The following PACSIN1 variants were observed in gnomAD, a reference collection of about 807,000 sequenced individuals.
PACSIN1 encodes the protein protein kinase C and casein kinase substrate in neurons 1, also known as protein kinase C and casein kinase substrate in neurons protein 1.
Under a neutral mutation model 59.5 loss-of-function variants are expected in PACSIN1, and 15 were observed. The observed-to-expected ratio is 0.25, with a 90% confidence interval of 0.17 to 0.39. The LOEUF is 0.39. Ranked by LOEUF, PACSIN1 falls within the 10% of genes least tolerant of loss-of-function variation. The pLI, the probability that PACSIN1 is intolerant of heterozygous loss-of-function variation, is 1.00. For synonymous variants in PACSIN1, 210 were observed against 220.6 expected, an observed-to-expected ratio of 0.95 and a Z score of 0.42; for missense variants, 420 against 580.2, an observed-to-expected ratio of 0.72 and a Z score of 2.84.
chr6:34,528,853 G>A lies in PACSIN1; in HGVS notation c.432G>A (p.Lys144=). The change falls in exon 4 of 10, where the codon AAG becomes AAA. Residue 144 remains lysine (K), a synonymous_variant. Coordinates refer to ENST00000244458, the MANE Select transcript of PACSIN1 (RefSeq NM_020804.5). ...AAGATGGCTTCCGCAAGGCCCAGAA[G>A]CCTTGGGCCAAGAAGATGAAGGAGG... ...EAEDGFRKAQ[K]PWAKKMKELE... 6.2e-7 allele frequency: 1 copy of A among 1,609,562 alleles called. No individual in the cohort carries two copies. Among genetic ancestry groups the A allele is most frequent in the Non-Finnish European group, 8.5e-7 (1 of 1,178,224 alleles).
chr6:34,468,008 C>T (rs761341995), intron 1 of PACSIN1, among the ~76,000 whole-genome samples: 5 of 152,210 alleles, frequency 3.3e-5, no homozygotes, highest in Non-Finnish European at 5.9e-5. Context: ...AGGTCTGGCT[C>T]TCCTCAGGCC....
rs930359296 is a variant in PACSIN1, at chr6:34,518,571, C to A, written c.-63-7672C>A. On this transcript the variant is annotated intron_variant, in intron 1 of 9. Coordinates refer to ENST00000244458, the MANE Select transcript of PACSIN1 (RefSeq NM_020804.5). This position sits in a 1 kb window ranked among gnomAD's most constrained non-coding sequence, Gnocchi z 4.4. ...AAACACTGAGGGTGGGAAAATGACA[C>A]AGGGAGACAAAAAAGGGTGCTTTAC... 6.6e-6 allele frequency among the ~76,000 whole-genome samples: 1 copy of A among 152,088 alleles called. No individual in the cohort carries two copies. The highest frequency in any genetic ancestry group is 1.5e-5 in the Non-Finnish European group (1 of 68,020).
At position 34,514,141 on chromosome 6, in the gene PACSIN1, G is replaced by A. The variant is rs570506475; in HGVS notation, c.-63-12102G>A. On this transcript the variant is annotated intron_variant, in intron 1 of 9. Coordinates refer to ENST00000244458, the MANE Select transcript of PACSIN1 (RefSeq NM_020804.5). This position sits in a 1 kb window ranked among gnomAD's most constrained non-coding sequence, Gnocchi z 4.4. ...ATGTGTGCAAATATATGTAATGGGC[G>A]TTTGTATCTGTAAGTGTGTTGTTGG... Among the ~76,000 whole-genome samples, 15 of 152,320 alleles carry A rather than the reference G, an allele frequency of 9.8e-5. No homozygotes were observed. Among genetic ancestry groups the A allele is most frequent in the African/African-American group, 2.9e-4 (12 of 41,560 alleles).
intron 1 of PACSIN1, among the ~76,000 whole-genome samples, chr6:34,503,622 C>T (rs1767061138): frequency 6.6e-6 from 1 of 152,168 alleles, no homozygotes; most frequent in South Asian, 2.1e-4. Flanking sequence ...TCACAGAAGT[C>T]ACTCAGTCCA....
chr6:34,517,538 G>C (rs369205164), intron 1 of PACSIN1, among the ~76,000 whole-genome samples: 1 of 147,124 alleles, frequency 6.8e-6, no homozygotes. Flanking sequence ...CATCTGCGCA[G>C]GCCACATGAC....
At chr6:34,500,534 G>A (rs1202326371) in intron 1 of PACSIN1, among the ~76,000 whole-genome samples, 1 of 152,170 alleles carries the variant, frequency 6.6e-6, no homozygotes, top group African/African-American at 2.4e-5. Flanking sequence ...AGGCTTCCAG[G>A]CTTTGTTGTT....
intron 1 of PACSIN1, among the ~76,000 whole-genome samples, chr6:34,519,423 A>G (rs1398587129): frequency 6.6e-6 from 1 of 152,002 alleles, no homozygotes; most frequent in Middle Eastern, 3.2e-3. Context: ...GGTCCAGGGG[A>G]CTGGTTTTCA....
Position 34,516,403 on chromosome 6 carries a change from G to A in PACSIN1, c.-63-9840G>A, listed in dbSNP as rs1057443455. Reference sequence around the variant, plus strand: ...GGCAGGTCTCGGGGATGGCAGAAACGGGATGCAGATTCGCCTGTGCGCACT... The same window carrying A: ...GGCAGGTCTCGGGGATGGCAGAAACAGGATGCAGATTCGCCTGTGCGCACT... On this transcript the variant is annotated intron_variant, in intron 1 of 9. Transcript: ENST00000244458. This position sits in a 1 kb window ranked among gnomAD's most constrained non-coding sequence, Gnocchi z 5.4. Among the ~76,000 whole-genome samples, 2 of 152,200 alleles carry A rather than the reference G, an allele frequency of 1.3e-5. No homozygotes were observed. Among genetic ancestry groups the A allele is most frequent in the Non-Finnish European group, 2.9e-5 (2 of 68,012 alleles).
Position 34,514,842 on chromosome 6 carries a change from G to A in PACSIN1, c.-63-11401G>A, listed in dbSNP as rs1350640799. On this transcript the variant is annotated intron_variant, in intron 1 of 9. Coordinates refer to ENST00000244458, the MANE Select transcript of PACSIN1 (RefSeq NM_020804.5). This position sits in a 1 kb window ranked among gnomAD's most constrained non-coding sequence, Gnocchi z 4.4. Reference sequence around the variant, plus strand: ...CGGGTCGGGATCGGGGAGTGGGGAGGAGGCAGCGGTGGAGGGAGCTGGCTC... The same window carrying A: ...CGGGTCGGGATCGGGGAGTGGGGAGAAGGCAGCGGTGGAGGGAGCTGGCTC... The A allele has an allele frequency of 6.5e-6, 1 of 152,848 alleles. No homozygotes were observed. The highest frequency in any genetic ancestry group is 2.4e-5 in the African/African-American group (1 of 41,434). The allele number at this position is 152,848 out of a possible 1,614,324, so 9.5% of individuals were successfully genotyped here.
Position 34,525,525 on chromosome 6 carries a change from G to A in PACSIN1, c.-63-718G>A, listed in dbSNP as rs868774127. On this transcript the variant is annotated intron_variant, in intron 1 of 9. Coordinates refer to ENST00000244458, the MANE Select transcript of PACSIN1 (RefSeq NM_020804.5). This position sits in a 1 kb window ranked among gnomAD's most constrained non-coding sequence, Gnocchi z 4.9. ...TGGTGCCGGGATCCAGCTAGAGGCT[G>A]GCAGCTTGTATCAGGGCCAGGCGCA... 6.6e-6 allele frequency among the ~76,000 whole-genome samples: 1 copy of A among 152,256 alleles called. No homozygotes were observed. The highest frequency in any genetic ancestry group is 1.5e-5 in the Non-Finnish European group (1 of 68,044).
At chr6:34,507,579 A>T (rs1354374961) in intron 1 of PACSIN1, among the ~76,000 whole-genome samples, 2 of 151,864 alleles carry the variant, frequency 1.3e-5, no homozygotes, top group Non-Finnish European at 2.9e-5. Context: ...ATAACATGAG[A>T]TCTACCCTTC....
chr6:34,473,278 A>T (rs926343360), intron 1 of PACSIN1, among the ~76,000 whole-genome samples: 1 of 150,792 alleles, frequency 6.6e-6, no homozygotes, highest in African/African-American at 2.5e-5. Context: ...AAAGATGCAA[A>T]GGCTGGAATG....
chr6:34,481,404 C>T (rs745589805), intron 1 of PACSIN1, among the ~76,000 whole-genome samples: 3 of 151,912 alleles, frequency 2.0e-5, no homozygotes, highest in Non-Finnish European at 4.4e-5. Context: ...CTTGCTTGGC[C>T]GGGTGCGGTG....
chr6:34,517,724 C>T (rs1767317676), intron 1 of PACSIN1, among the ~76,000 whole-genome samples: 1 of 150,700 alleles, frequency 6.6e-6, no homozygotes, highest in Non-Finnish European at 1.5e-5. Context: ...CACAACTCCT[C>T]GCCCCCATCT....
In PACSIN1 at chr6:34,529,493, C is replaced by G; in HGVS notation, c.553C>G (p.Pro185Ala). The G allele has an allele frequency of 6.8e-6, 11 of 1,614,140 alleles. No homozygotes were observed. Among genetic ancestry groups the G allele is most frequent in the Non-Finnish European group, 9.3e-6 (11 of 1,180,040 alleles). ...MNSKTEQSVTPEQQKKLQDKV... is the reference protein window; with the variant it reads ...MNSKTEQSVTAEQQKKLQDKV... ...CAGCAAGACGGAGCAATCGGTCACA[C>G]CTGAGCAGCAAAAGAAGCTGCAGGA... The change falls in exon 5 of 10, where the codon CCT becomes GCT. Residue 185 changes from proline to alanine, a missense_variant. Physicochemically the swap from Pro to Ala is conservative, Grantham distance 27. Coordinates refer to ENST00000244458, the MANE Select transcript of PACSIN1 (RefSeq NM_020804.5). The surrounding 1 kb of genome is among the most constrained non-coding windows in gnomAD (Gnocchi z 6.3).
intron 1 of PACSIN1, among the ~76,000 whole-genome samples, chr6:34,490,258 G>T (rs185640201): frequency 2.2e-3 from 317 of 143,304 alleles, no homozygotes; most frequent in African/African-American, 8.0e-3. Flanking sequence ...GTAGAGACAG[G>T]GTCTCCCTAT....
At chr6:34,527,966 C>T (rs966882422) in intron 3 of PACSIN1, among the ~76,000 whole-genome samples, 1 of 152,222 alleles carries the variant, frequency 6.6e-6, no homozygotes, top group Non-Finnish European at 1.5e-5. Flanking sequence ...ACGACCCATA[C>T]GCACATTTAC....
intron 1 of PACSIN1, among the ~76,000 whole-genome samples, chr6:34,480,511 C>T (rs1183114123): frequency 6.6e-6 from 1 of 152,150 alleles, no homozygotes; most frequent in Non-Finnish European, 1.5e-5. Context: ...CAGGCATGAG[C>T]CACTGTACCT....
At chr6:34,513,463 G>C (rs537373119) in intron 1 of PACSIN1, among the ~76,000 whole-genome samples, 6 of 152,232 alleles carry the variant, frequency 3.9e-5, no homozygotes, top group Admixed American at 3.9e-4. Context: ...GCTGGGAATA[G>C]CATGTCCTGT....
Sources: allele counts gnomAD v4.1 joint callset (sites outside exome capture counted in the v4.1 genomes callset), GRCh38; gene constraint gnomAD v4.1.1; non-coding constraint Gnocchi (gnomAD v3.1); transcripts MANE v1.5; gene names NCBI Gene and HGNC (gene_info 2026-07-23, HGNC 2026-07-21).